STXBP5L: variants seen among roughly 807,000 people sequenced by gnomAD.
STXBP5L encodes syntaxin-binding protein 5-like.
Under a neutral mutation model 144.5 loss-of-function variants are expected in STXBP5L, and 65 were observed. That is an observed-to-expected ratio of 0.45 (90% confidence interval 0.37 to 0.55). STXBP5L has a LOEUF of 0.55. Ranked by LOEUF, STXBP5L falls within the 20% of genes least tolerant of loss-of-function variation. STXBP5L has a pLI of 0.00. For synonymous variants in STXBP5L, 505 were observed against 469.6 expected, an observed-to-expected ratio of 1.08 and a Z score of -0.97; for missense variants, 1,298 against 1,405.5, an observed-to-expected ratio of 0.92 and a Z score of 1.22.
At chr3:121,085,769 A>G (rs946568316) in intron 5 of STXBP5L, among the ~76,000 whole-genome samples, 4 of 152,202 alleles carry the variant, frequency 2.6e-5, no homozygotes, top group Non-Finnish European at 5.9e-5. Flanking sequence ...TATAGATTCA[A>G]TGCTATTCCC....
At chr3:121,312,778 T>C (rs921284895) in intron 19 of STXBP5L, among the ~76,000 whole-genome samples, 35 of 151,912 alleles carry the variant, frequency 2.3e-4, no homozygotes, top group African/African-American at 8.2e-4. Context: ...GGGTTGGGGA[T>C]AAGGTCACAG....
At chr3:120,920,055 A>T (rs12498064) in intron 2 of STXBP5L, among the ~76,000 whole-genome samples, 15,017 of 151,840 alleles carry the variant, frequency 0.099, 1,182 homozygotes, top group Admixed American at 0.2. Flanking sequence ...ATTCTAAAAT[A>T]AAAGAACCTG....
chr3:121,009,043 T>A (rs567546300), intron 3 of STXBP5L, among the ~76,000 whole-genome samples: 1 of 151,896 alleles, frequency 6.6e-6, no homozygotes, highest in African/African-American at 2.4e-5. Context: ...AGTGAGTAGA[T>A]GAACTTTAAA....
chr3:121,196,350 G>T (rs2047919586), intron 9 of STXBP5L, among the ~76,000 whole-genome samples: 2 of 151,726 alleles, frequency 1.3e-5, no homozygotes, highest in South Asian at 2.1e-4. Context: ...TGTTGGTCAG[G>T]CTGGTCTCAA....
intron 7 of STXBP5L, among the ~76,000 whole-genome samples, chr3:121,149,334 T>C (rs1001353800): frequency 5.3e-5 from 8 of 151,950 alleles, no homozygotes; most frequent in African/African-American, 1.9e-4. Flanking sequence ...TCTCTCTCTC[T>C]CTCTTTCTAT....
intron 13 of STXBP5L, among the ~76,000 whole-genome samples, chr3:121,239,625 T>G (rs1017860856): frequency 7.0e-6 from 1 of 143,820 alleles, no homozygotes; most frequent in Non-Finnish European, 1.5e-5. Context: ...ACCAAACACC[T>G]CATATTCTCA....
intron 10 of STXBP5L, 64 bp from the exon 11 acceptor site, chr3:121,222,939 A>G: frequency 6.6e-7 from 1 of 1,518,130 alleles, no homozygotes; most frequent in Non-Finnish European, 8.8e-7. Flanking sequence ...TTATAGGTTC[A>G]GTCCTGTGAC....
At chr3:121,108,906 A>T (rs1201831478) in intron 5 of STXBP5L, among the ~76,000 whole-genome samples, 2 of 152,046 alleles carry the variant, frequency 1.3e-5, no homozygotes, top group Non-Finnish European at 2.9e-5. Context: ...TTATTTGTCT[A>T]TTCAGGGGTT....
At chr3:120,981,791 G>T (rs532657881) in intron 3 of STXBP5L, among the ~76,000 whole-genome samples, 16 of 152,244 alleles carry the variant, frequency 1.1e-4, no homozygotes, top group African/African-American at 3.6e-4. Flanking sequence ...CCTCTCATCT[G>T]AAGAAGCCAT....
intron 3 of STXBP5L, among the ~76,000 whole-genome samples, chr3:120,971,768 A>G (rs1053161590): frequency 2.3e-5 from 3 of 129,060 alleles, no homozygotes; most frequent in African/African-American, 8.9e-5. Context: ...ATATATGTGT[A>G]TATATGTGTA....
In STXBP5L at chr3:121,296,573, G is replaced by T. The variant is rs1577388165; in HGVS notation, c.2110+16617G>T. Among the ~76,000 whole-genome samples, 3 of 152,138 alleles carry T rather than the reference G, an allele frequency of 2.0e-5. No individual in the cohort carries two copies. The South Asian group carries it at 6.2e-4, about 32-fold the overall frequency. ...ATGGAAGAGTGATACATTCAAAGAA[G>T]TCTAATTAACTGAATGCCAGACAGA... On this transcript the variant is annotated intron_variant, in intron 19 of 26. Coordinates refer to ENST00000471454, the MANE Select transcript of STXBP5L (RefSeq NM_001308330.2).
At chr3:121,206,980 A>T (rs956679087) in intron 10 of STXBP5L, among the ~76,000 whole-genome samples, 5 of 152,206 alleles carry the variant, frequency 3.3e-5, no homozygotes, top group Middle Eastern at 3.2e-3. Flanking sequence ...TAATAATATG[A>T]ACATTTTATA....
intron 22 of STXBP5L, among the ~76,000 whole-genome samples, chr3:121,391,616 T>C (rs2108707648): frequency 6.6e-6 from 1 of 152,354 alleles, no homozygotes; most frequent in Non-Finnish European, 1.5e-5. Flanking sequence ...TCCTGTCTGT[T>C]AGTTTTCCTT....
At chr3:121,330,724 C>T (rs1231651014) in intron 20 of STXBP5L, among the ~76,000 whole-genome samples, 1 of 152,168 alleles carries the variant, frequency 6.6e-6, no homozygotes, top group South Asian at 2.1e-4. Flanking sequence ...GGCAGAATAA[C>T]ACAGCACCCA....
chr3:121,328,272 A>G (rs889535071), intron 20 of STXBP5L, among the ~76,000 whole-genome samples: 4 of 152,216 alleles, frequency 2.6e-5, no homozygotes, highest in African/African-American at 9.6e-5. Context: ...ACCATACACT[A>G]TGCTAAGGGC....
At chr3:121,389,822 G>A (rs887937779) in intron 22 of STXBP5L, among the ~76,000 whole-genome samples, 10 of 152,092 alleles carry the variant, frequency 6.6e-5, no homozygotes, top group Admixed American at 2.0e-4. Flanking sequence ...GGTCAATTTT[G>A]GAACAAGTTT....
At chr3:121,236,351 A>G (rs2049483068) in intron 12 of STXBP5L, among the ~76,000 whole-genome samples, 1 of 152,228 alleles carries the variant, frequency 6.6e-6, no homozygotes, top group African/African-American at 2.4e-5. Flanking sequence ...ACTCAAGGCT[A>G]GATAATTTAT....
chr3:120,990,542 A>G (rs1254628646), intron 3 of STXBP5L, among the ~76,000 whole-genome samples: 1 of 152,176 alleles, frequency 6.6e-6, no homozygotes, highest in Non-Finnish European at 1.5e-5. Flanking sequence ...GCATCACGCT[A>G]CCTGACTTCA....
At chr3:121,346,747 C>G (rs1455395681) in intron 20 of STXBP5L, among the ~76,000 whole-genome samples, 1 of 152,188 alleles carries the variant, frequency 6.6e-6, no homozygotes, top group Non-Finnish European at 1.5e-5. Flanking sequence ...GCATAAATGT[C>G]TTCTTTTGAG....
Sources: allele counts gnomAD v4.1 joint callset (sites outside exome capture counted in the v4.1 genomes callset), GRCh38; gene constraint gnomAD v4.1.1; transcripts MANE v1.5; gene names NCBI Gene and HGNC (gene_info 2026-07-23, HGNC 2026-07-21).